TMEM248: variants seen among roughly 807,000 people sequenced by gnomAD.
TMEM248 encodes the protein transmembrane protein 248.
Under a neutral mutation model 30.3 loss-of-function variants are expected in TMEM248, and 9 were observed. That is an observed-to-expected ratio of 0.30 (90% CI 0.18 to 0.52). The LOEUF is 0.52. TMEM248 is among the 20% of genes least tolerant of loss of function. TMEM248 has a pLI of 0.97. For missense variants in TMEM248, 338 were observed against 403.3 expected (o/e 0.84, Z 1.39); for synonymous variants, 184 against 154.4 (o/e 1.19, Z -1.42).
chr7:66,956,791 A>G lies in TMEM248; in HGVS notation c.*1269A>G, dbSNP rs1342279162. The G allele has an allele frequency of 6.6e-6, 1 of 152,050 alleles. No individual in the cohort carries two copies. The highest frequency in any genetic ancestry group is 1.9e-4 in the East Asian group (1 of 5,190). The allele number at this position is 152,050 out of a possible 1,614,324, so 9.4% of individuals were successfully genotyped here. On this transcript the variant is annotated 3_prime_UTR_variant, in exon 7 of 7. Coordinates refer to ENST00000341567, the MANE Select transcript of TMEM248 (RefSeq NM_017994.5). Reference sequence around the variant, plus strand: ...TGGGCTCAAGCAATCCTCCCACTTTAGCCTCCTGAGTAGCTGGGACTACAG... The same window carrying G: ...TGGGCTCAAGCAATCCTCCCACTTTGGCCTCCTGAGTAGCTGGGACTACAG...
chr7:66,935,339 C>T (rs1190748903), intron 1 of TMEM248, among the ~76,000 whole-genome samples: 1 of 151,840 alleles, frequency 6.6e-6, no homozygotes, highest in Admixed American at 6.6e-5. Flanking sequence ...CTTGCCATCA[C>T]ACCTGTCTAA....
At chr7:66,953,963 T>A (rs1415891697) in intron 6 of TMEM248, among the ~76,000 whole-genome samples, 99 of 116,228 alleles carry the variant, frequency 8.5e-4, no homozygotes, top group African/African-American at 2.7e-3. Flanking sequence ...TTTTTTTTTT[T>A]GAGAGAGTTT....
intron 1 of TMEM248, among the ~76,000 whole-genome samples, chr7:66,933,922 T>C (rs144267775): frequency 6.6e-6 from 1 of 152,102 alleles, no homozygotes; most frequent in Non-Finnish European, 1.5e-5. Flanking sequence ...GGAATGAATT[T>C]AGCGGGAGGG....
intron 1 of TMEM248, among the ~76,000 whole-genome samples, chr7:66,922,424 TC>T (rs1458153789): frequency 3.9e-5 from 6 of 152,280 alleles, no homozygotes; most frequent in Middle Eastern, 6.8e-3. Flanking sequence ...TCCATCTACT[TC>T]CTCTTTTCAT....
At chr7:66,922,712 T>C (rs1791417508) in intron 1 of TMEM248, among the ~76,000 whole-genome samples, 1 of 136,274 alleles carries the variant, frequency 7.3e-6, no homozygotes, top group East Asian at 2.4e-4. Context: ...ATTATATATA[T>C]ATATGTTTTT....
chr7:66,951,432 A>G, intron 5 of TMEM248: 1 of 264,074 alleles, frequency 3.8e-6, no homozygotes. Flanking sequence ...TCCTTCTATT[A>G]ATATTATCTT....
Position 66,925,702 on chromosome 7 carries a change from T to A in TMEM248, c.-19+4241T>A, listed in dbSNP as rs1355597455. 2.7e-4 allele frequency among the ~76,000 whole-genome samples: 41 copies of A among 151,772 alleles called. 1 individual carries two copies. The highest frequency in any genetic ancestry group is 2.7e-3 in the Admixed American group (41 of 15,224). On this transcript the variant is annotated intron_variant, in intron 1 of 6. Coordinates refer to ENST00000341567, the MANE Select transcript of TMEM248 (RefSeq NM_017994.5). ...TCTATTTGTAGTTTTTTCTTTTTTT[T>A]TTTTTTGGAGACAGAGTCTCGCTCT...
chr7:66,954,167 C>T (rs1438135196), intron 6 of TMEM248, among the ~76,000 whole-genome samples: 1 of 151,432 alleles, frequency 6.6e-6, no homozygotes, highest in Non-Finnish European at 1.5e-5. Context: ...TAGTCTCGAA[C>T]TGCTGTTATC....
At chr7:66,932,664 G>A (rs556018516) in intron 1 of TMEM248, among the ~76,000 whole-genome samples, 3 of 147,688 alleles carry the variant, frequency 2.0e-5, no homozygotes, top group Non-Finnish European at 4.5e-5. Context: ...ACAGGCGCAC[G>A]CTGCCACTCC....
intron 3 of TMEM248, among the ~76,000 whole-genome samples, chr7:66,946,208 G>C (rs959028867): frequency 1.3e-5 from 2 of 151,830 alleles, no homozygotes; most frequent in Non-Finnish European, 2.9e-5. Flanking sequence ...GTTGCGGTGA[G>C]CCGAGATTGC....
chr7:66,953,935 C>G (rs1264946444), intron 6 of TMEM248, among the ~76,000 whole-genome samples: 4 of 120,614 alleles, frequency 3.3e-5, no homozygotes, highest in Non-Finnish European at 6.7e-5. Flanking sequence ...CTCTAGATTA[C>G]TTTCTTTTTT....
chr7:66,939,003 T>C (rs1400053178), intron 1 of TMEM248, among the ~76,000 whole-genome samples: 1 of 152,212 alleles, frequency 6.6e-6, no homozygotes, highest in East Asian at 1.9e-4. Flanking sequence ...TCAGTTAAGA[T>C]TGGGCCTAAA....
At chr7:66,940,945 T>A (rs1303052516) in intron 1 of TMEM248, among the ~76,000 whole-genome samples, 1 of 152,220 alleles carries the variant, frequency 6.6e-6, no homozygotes, top group Non-Finnish European at 1.5e-5. Flanking sequence ...ACAGTATTTA[T>A]TATAGAATAT....
rs1016294816 is a variant in TMEM248, at chr7:66,957,701, T to G, written c.*2179T>G. 3 of 152,244 alleles carry G rather than the reference T, an allele frequency of 2.0e-5. No homozygotes were observed. Among genetic ancestry groups the G allele is most frequent in the African/African-American group, 7.2e-5 (3 of 41,464 alleles). 9.4% of individuals were successfully genotyped at this position (152,244 alleles called of 1,614,324 possible). Reference sequence around the variant, plus strand: ...AAAACAGTGAAAAAGCCAATTTCACTGGTTCGTTCAATCCAGCTTGTTGCT... The same window carrying G: ...AAAACAGTGAAAAAGCCAATTTCACGGGTTCGTTCAATCCAGCTTGTTGCT... On this transcript the variant is annotated 3_prime_UTR_variant, in exon 7 of 7. Coordinates refer to ENST00000341567, the MANE Select transcript of TMEM248 (RefSeq NM_017994.5).
At chr7:66,953,189 G>A (rs1792313686) in intron 5 of TMEM248, 37 bp from the exon 6 acceptor site, 3 of 1,610,022 alleles carry the variant, frequency 1.9e-6, no homozygotes, top group East Asian at 2.2e-5. Flanking sequence ...GTCACTCAGA[G>A]CAGATGTTTC....
At chr7:66,923,374 T>G (rs1399291456) in intron 1 of TMEM248, among the ~76,000 whole-genome samples, 1 of 152,048 alleles carries the variant, frequency 6.6e-6, no homozygotes, top group Non-Finnish European at 1.5e-5. Flanking sequence ...ACTCCTGACC[T>G]CAGGTGATCT....
rs1268349393 is a variant in TMEM248, at chr7:66,955,752, A to C, written c.*230A>C. ...CCCTGGGTACAGCCAGAGCCCTTCA[A>C]CCCCACCTTGGACTTGAGGACCTAC... is the stretch of plus-strand genomic sequence containing the variant. On this transcript the variant is annotated 3_prime_UTR_variant, in exon 7 of 7. Transcript: ENST00000341567. 1 of 514,274 alleles carries C rather than the reference A, an allele frequency of 1.9e-6. No individual in the cohort carries two copies. Among genetic ancestry groups the C allele is most frequent in the Non-Finnish European group, 3.3e-6 (1 of 299,210 alleles). 31.9% of individuals were successfully genotyped at this position (514,274 alleles called of 1,614,324 possible).
rs896383576 is a variant in TMEM248, at chr7:66,945,340, C to G, written c.445+79C>G. 12 of 1,471,786 alleles carry G rather than the reference C, an allele frequency of 8.2e-6. No homozygotes were observed. The African/African-American group carries it at 1.7e-4, about 21-fold the overall frequency. 91.2% of individuals were successfully genotyped at this position (1,471,786 alleles called of 1,614,324 possible). A position where few individuals can be genotyped will look rare whatever the true frequency, so the allele number is the denominator to read the frequency against. ...AGAGGATGCACCGTGTATGTTTTTA[C>G]TGACTATATTGTACTAGATTGTAGT... On this transcript the variant is annotated intron_variant, in intron 3 of 6. Transcript: ENST00000341567.
At chr7:66,948,735 C>G in intron 4 of TMEM248, 41 bp downstream of exon 4, 1 of 1,580,412 alleles carries the variant, frequency 6.3e-7, no homozygotes. Flanking sequence ...GTAACAAGCT[C>G]CACTTGCCGT....
Sources: gnomAD v4.1 joint callset for allele counts (sites outside exome capture counted in the v4.1 genomes callset) on GRCh38, gnomAD v4.1.1 for gene constraint, MANE v1.5 for transcripts, NCBI Gene and HGNC (gene_info 2026-07-23, HGNC 2026-07-21) for gene names.